Variants in OSBPL1A observed in about 807,000 individuals in gnomAD.
OSBPL1A encodes the protein oxysterol binding protein like 1A.
Under a neutral mutation model 137.1 loss-of-function variants are expected in OSBPL1A, and 80 were observed. The ratio of observed to expected loss-of-function variants is 0.58; its 90% CI spans 0.49 to 0.70. OSBPL1A has a LOEUF of 0.70. Among genes scored for constraint, OSBPL1A ranks in the 30% least tolerant of loss-of-function variants. OSBPL1A has a pLI of 0.00. For synonymous variants in OSBPL1A, 365 were observed against 389.7 expected, an observed-to-expected ratio of 0.94 and a Z score of 0.75; for missense variants, 970 against 1,129.4, an observed-to-expected ratio of 0.86 and a Z score of 2.02.
chr18:24,219,466 C>A, intron 17 of OSBPL1A, among the ~76,000 whole-genome samples: 1 of 152,104 alleles, frequency 6.6e-6, no homozygotes, highest in African/African-American at 2.4e-5. Flanking sequence ...TGGGATTATT[C>A]ATCTGAAAAT....
chr18:24,312,021 T>C lies in OSBPL1A; in HGVS notation c.1055A>G (p.Asp352Gly), dbSNP rs1465760972. The C allele has an allele frequency of 1.9e-5, 31 of 1,613,978 alleles. No individual in the cohort carries two copies. The highest frequency in any genetic ancestry group is 2.5e-5 in the Non-Finnish European group (30 of 1,179,972). The change falls in exon 13 of 28, where the codon GAT becomes GGT. Residue 352 changes from aspartate to glycine, a missense_variant. Around this residue, in one of 2 missense-constraint regions of OSBPL1A, gnomAD observed 647 missense variants for 672.6 expected, o/e 0.96. Coordinates refer to ENST00000319481, the MANE Select transcript of OSBPL1A (RefSeq NM_080597.4). ...CTTCAGGTCTGCAGCAGAAACCGTATCTTCCTCCTCCTCATCAGTCAGCTG... is the reference window on the plus strand; with the variant it reads ...CTTCAGGTCTGCAGCAGAAACCGTACCTTCCTCCTCCTCATCAGTCAGCTG... ...QDQLTDEEEEDTVSAADLKKS... is the reference protein window; with the variant it reads ...QDQLTDEEEEGTVSAADLKKS...
chr18:24,258,834 T>C (rs935799674), intron 15 of OSBPL1A, among the ~76,000 whole-genome samples: 3 of 151,060 alleles, frequency 2.0e-5, no homozygotes, highest in Non-Finnish European at 4.4e-5. Context: ...ATATAATAAA[T>C]CTGTGTAAGC....
chr18:24,266,078 C>T (rs149716361), intron 15 of OSBPL1A, among the ~76,000 whole-genome samples: 31 of 152,308 alleles, frequency 2.0e-4, no homozygotes, highest in Non-Finnish European at 2.6e-4. Context: ...TCTGCGTTAA[C>T]GACTCCGTGT....
At position 24,244,910 on chromosome 18, in the gene OSBPL1A, G is replaced by C. The variant is rs938365025; in HGVS notation, c.1282-5528C>G. 6.0e-4 allele frequency among the ~76,000 whole-genome samples: 92 copies of C among 152,160 alleles called. 1 individual carries two copies. The highest frequency in any genetic ancestry group is 1.0e-4 in the Non-Finnish European group (7 of 68,026). On this transcript the variant is annotated intron_variant, in intron 15 of 27. Transcript: ENST00000319481. ...ACACAGCACTAAGTGGGGAATAAGTGATTATTATTCACAGAACACTGTGTG... is the reference window on the plus strand; with the variant it reads ...ACACAGCACTAAGTGGGGAATAAGTCATTATTATTCACAGAACACTGTGTG...
At chr18:24,385,116 G>A (rs545163801) in intron 1 of OSBPL1A, among the ~76,000 whole-genome samples, 44 of 151,868 alleles carry the variant, frequency 2.9e-4, no homozygotes, top group Middle Eastern at 3.4e-3. Context: ...CACCACACCC[G>A]GCTAATTTTT....
chr18:24,205,279 T>G (rs904050756), intron 17 of OSBPL1A, among the ~76,000 whole-genome samples: 34 of 152,344 alleles, frequency 2.2e-4, no homozygotes, highest in African/African-American at 8.2e-4. Context: ...TCGGTTTTTC[T>G]TAGAAAATGA....
At chr18:24,266,264 T>C (rs1188803215) in intron 15 of OSBPL1A, among the ~76,000 whole-genome samples, 1 of 152,182 alleles carries the variant, frequency 6.6e-6, no homozygotes, top group Non-Finnish European at 1.5e-5. Context: ...CTTCAGCTGG[T>C]CTGCATAAAG....
intron 4 of OSBPL1A, among the ~76,000 whole-genome samples, chr18:24,349,063 G>T (rs1168541124): frequency 6.6e-6 from 1 of 152,096 alleles, no homozygotes; most frequent in Admixed American, 6.6e-5. Context: ...GCTATTTGGG[G>T]GGCTGAGCTG....
intron 4 of OSBPL1A, among the ~76,000 whole-genome samples, chr18:24,365,281 T>C (rs2091687522): frequency 6.6e-6 from 1 of 152,138 alleles, no homozygotes; most frequent in Admixed American, 6.5e-5. Flanking sequence ...GTTTGTATGA[T>C]ACTGTTTACA....
intron 15 of OSBPL1A, among the ~76,000 whole-genome samples, chr18:24,249,902 C>A (rs1013134775): frequency 2.0e-5 from 3 of 152,152 alleles, no homozygotes; most frequent in African/African-American, 7.2e-5. Flanking sequence ...CTAGGTGGCA[C>A]CTGACCTAGG....
At chr18:24,187,300 G>A (rs529241405) in intron 18 of OSBPL1A, among the ~76,000 whole-genome samples, 60 of 152,308 alleles carry the variant, frequency 3.9e-4, no homozygotes, top group African/African-American at 1.3e-3. Flanking sequence ...AGAGAGTTCT[G>A]TGGATGGACA....
chr18:24,364,346 T>C (rs780387050), intron 4 of OSBPL1A, among the ~76,000 whole-genome samples: 11 of 152,174 alleles, frequency 7.2e-5, no homozygotes, highest in Non-Finnish European at 1.5e-4. Context: ...CTCTCCAGCC[T>C]ACACATAGAT....
At chr18:24,170,046 T>G (rs1377608381) in intron 24 of OSBPL1A, among the ~76,000 whole-genome samples, 1 of 152,224 alleles carries the variant, frequency 6.6e-6, no homozygotes, top group East Asian at 1.9e-4. Context: ...AATGTTTCAT[T>G]AAGATGAACT....
intron 16 of OSBPL1A, among the ~76,000 whole-genome samples, chr18:24,231,288 A>C (rs1233166093): frequency 6.6e-6 from 1 of 152,080 alleles, no homozygotes; most frequent in Admixed American, 6.6e-5. Flanking sequence ...AGATCTTTAA[A>C]GTTCTTTTTG....
At chr18:24,184,210 A>G (rs527893583) in intron 18 of OSBPL1A, among the ~76,000 whole-genome samples, 3 of 151,272 alleles carry the variant, frequency 2.0e-5, no homozygotes, top group Non-Finnish European at 4.4e-5. Flanking sequence ...TTAATTAATT[A>G]ATTTATTTTT....
intron 4 of OSBPL1A, chr18:24,358,073 G>A (rs1187348247): frequency 9.4e-6 from 2 of 213,048 alleles, no homozygotes; most frequent in African/African-American, 4.6e-5. Context: ...AAAAAAGTAG[G>A]GCTGTACACA....
At chr18:24,193,350 T>C (rs1293302636) in intron 18 of OSBPL1A, among the ~76,000 whole-genome samples, 1 of 152,050 alleles carries the variant, frequency 6.6e-6, no homozygotes, top group African/African-American at 2.4e-5. Context: ...TAGCTGGGCA[T>C]GGTGGCATGC....
At position 24,167,427 on chromosome 18, in the gene OSBPL1A, A is replaced by G. The variant is rs150020920; in HGVS notation, c.2437T>C (p.Leu813=). The G allele has an allele frequency of 6.8e-6, 11 of 1,614,150 alleles. No individual in the cohort carries two copies. In the East Asian group the frequency reaches 1.8e-4, roughly 26 times the overall value. ...GAATCCGGCACTGGCATTTCATCCA[A>G]CTCCTCAGAGGTGCTCATCTAGAAA... ...NSKQMSTSEE[L]DEMPVPDSES... The change falls in exon 25 of 28, where the codon TTG becomes CTG. Residue 813 remains leucine, a synonymous_variant. Coordinates refer to ENST00000319481, the MANE Select transcript of OSBPL1A (RefSeq NM_080597.4).
chr18:24,222,333 G>A (rs2087919503), intron 17 of OSBPL1A, among the ~76,000 whole-genome samples: 1 of 152,122 alleles, frequency 6.6e-6, no homozygotes, highest in Non-Finnish European at 1.5e-5. Flanking sequence ...TTCAGATTCT[G>A]ACTAATTTGC....
Sources: allele counts gnomAD v4.1 joint callset (sites outside exome capture counted in the v4.1 genomes callset), GRCh38; gene constraint gnomAD v4.1.1; regional missense constraint gnomAD v4.1.1; transcripts MANE v1.5; gene names NCBI Gene and HGNC (gene_info 2026-07-23, HGNC 2026-07-21).